The following PARD3 variants were observed in gnomAD, a reference collection of about 807,000 sequenced individuals.
PARD3 encodes partitioning defective 3 homolog.
PARD3 carries 75 observed loss-of-function variants against 155.4 expected under a neutral mutation model. The observed-to-expected ratio is 0.48, with a 90% CI of 0.40 to 0.58. The LOEUF is 0.58. Among genes scored for constraint, PARD3 ranks in the 20% least tolerant of loss-of-function variants. The probability of loss-of-function intolerance (pLI) is 0.00; values close to 1 mark genes in which losing one functional copy is unlikely to be tolerated. For synonymous variants in PARD3, 576 were observed against 610.5 expected, an observed-to-expected ratio of 0.94 and a Z score of 0.83; for missense variants, 1,642 against 1,721.7, an observed-to-expected ratio of 0.95 and a Z score of 0.82.
chr10:34,284,286 A>T, intron 20 of PARD3, 41 bp from the exon 21 acceptor site: 1 of 1,171,980 alleles, frequency 8.5e-7, no homozygotes, highest in Non-Finnish European at 1.3e-6. Flanking sequence ...ATATATACAA[A>T]ATGAGCTTTC....
intron 5 of PARD3, among the ~76,000 whole-genome samples, chr10:34,438,893 T>C (rs1469621772): frequency 2.0e-5 from 3 of 152,046 alleles, no homozygotes; most frequent in Non-Finnish European, 4.4e-5. Context: ...GGGAACCAAG[T>C]GTGTGAACTG....
intron 2 of PARD3, among the ~76,000 whole-genome samples, chr10:34,597,397 CT>C (rs1263328776): frequency 4.6e-5 from 7 of 151,364 alleles, no homozygotes; most frequent in African/African-American, 1.7e-4. Context: ...CAACATCTTA[CT>C]TTTTTAACTT....
chr10:34,450,715 C>T (rs2077011515), intron 4 of PARD3, among the ~76,000 whole-genome samples: 1 of 152,068 alleles, frequency 6.6e-6, no homozygotes, highest in African/African-American at 2.4e-5. Context: ...ACACTTTGCA[C>T]TCCTACCCAA....
chr10:34,776,136 C>T (rs74134414), intron 1 of PARD3, among the ~76,000 whole-genome samples: 39 of 152,246 alleles, frequency 2.6e-4, no homozygotes, highest in African/African-American at 8.7e-4. Context: ...AAAATTCATC[C>T]ATAACTCTGA....
chr10:34,332,958 AG>A, intron 18 of PARD3, among the ~76,000 whole-genome samples: 1 of 152,320 alleles, frequency 6.6e-6, no homozygotes, highest in Middle Eastern at 3.4e-3. Flanking sequence ...GGAATAAAAA[AG>A]AATGGGAAAA....
At chr10:34,239,881 A>G (rs1393949804) in intron 22 of PARD3, among the ~76,000 whole-genome samples, 1 of 152,168 alleles carries the variant, frequency 6.6e-6, no homozygotes, top group African/African-American at 2.4e-5. Flanking sequence ...GAAAATGAAA[A>G]AATATGAGTA....
chr10:34,544,109 T>TA (rs2083859057), intron 2 of PARD3, among the ~76,000 whole-genome samples: 1 of 152,184 alleles, frequency 6.6e-6, no homozygotes, highest in African/African-American at 2.4e-5. Flanking sequence ...CAGGGAGCTA[T>TA]AAAATAAATT....
chr10:34,111,419 C>A lies in PARD3; in HGVS notation c.3812G>T (p.Gly1271Val). The change falls in exon 25 of 25, where the codon GGC becomes GTC. Residue 1271 changes from glycine (G) to valine (V), a missense_variant. Physicochemically the swap from Gly to Val is moderately radical, Grantham distance 109. This residue lies in a region of PARD3 where 1,529 missense variants were observed against 1,587.3 expected (regional missense o/e 0.96). Coordinates refer to ENST00000374788, the MANE Select transcript of PARD3 (RefSeq NM_001184785.2). ...TTCCAGCATGACCCTGGCGTTGAAG[C>A]CATGTCCTCCCAGGTAGCCGTTCCT... is the stretch of plus-strand genomic sequence containing the variant. ...GSRNGYLGGH[G>V]FNARVMLETQ... 6.2e-7 allele frequency: 1 copy of A among 1,614,174 alleles called. No individual in the cohort carries two copies. The highest frequency in any genetic ancestry group is 1.1e-5 in the South Asian group (1 of 91,084).
At position 34,636,133 on chromosome 10, in the gene PARD3, C is replaced by T. The variant is rs542231452; in HGVS notation, c.222+60185G>A. ...AAGAAGGAAGAAGAAGAAGCCAAAA[C>T]TCTTCAACGGTTTTTCATCCCTTGC... On this transcript the variant is annotated intron_variant, in intron 2 of 24. Coordinates refer to ENST00000374788, the MANE Select transcript of PARD3 (RefSeq NM_001184785.2). 3.8e-4 allele frequency among the ~76,000 whole-genome samples: 58 copies of T among 152,238 alleles called. 1 individual carries two copies. The highest frequency in any genetic ancestry group is 1.3e-3 in the African/African-American group (54 of 41,554).
In PARD3 at chr10:34,470,115, A is replaced by C; in HGVS notation, c.552T>G (p.Thr184=). The change falls in exon 4 of 25, where the codon ACT becomes ACG. Residue 184 remains threonine, a synonymous_variant. Transcript: ENST00000374788. The stretch of plus-strand genomic sequence containing the variant: ...TGTCGCAGGTTTTAGGACTCCCAGC[A>C]GTGTTCTGCTTGAGGAAGCCAGCTG... The part of the protein sequence containing the change: ...STTAGFLKQN[T]AGSPKTCDRK... 6.2e-7 allele frequency: 1 copy of C among 1,612,392 alleles called. No individual in the cohort carries two copies. The highest frequency in any genetic ancestry group is 8.5e-7 in the Non-Finnish European group (1 of 1,179,302).
intron 1 of PARD3, among the ~76,000 whole-genome samples, chr10:34,762,353 A>C (rs1837564712): frequency 6.6e-6 from 1 of 151,758 alleles, no homozygotes; most frequent in African/African-American, 2.4e-5. Flanking sequence ...GAGTACAGTA[A>C]CACGATCACA....
chr10:34,794,022 T>C (rs1841974868), intron 1 of PARD3, among the ~76,000 whole-genome samples: 1 of 151,900 alleles, frequency 6.6e-6, no homozygotes, highest in Admixed American at 6.6e-5. Context: ...ACAGCAAAGG[T>C]AAGCAAACTC....
At chr10:34,487,052 G>C (rs1343323013) in intron 3 of PARD3, among the ~76,000 whole-genome samples, 1 of 151,642 alleles carries the variant, frequency 6.6e-6, no homozygotes, top group Non-Finnish European at 1.5e-5. Context: ...CAGAATTTTC[G>C]GTCTGCTTGG....
intron 1 of PARD3, among the ~76,000 whole-genome samples, chr10:34,758,848 C>G (rs568408671): frequency 6.6e-6 from 1 of 152,300 alleles, no homozygotes; most frequent in East Asian, 1.9e-4. Context: ...TTTAACAGCA[C>G]AGGAAATTCC....
At chr10:34,532,302 CA>C (rs1473503226) in intron 2 of PARD3, among the ~76,000 whole-genome samples, 1 of 151,952 alleles carries the variant, frequency 6.6e-6, no homozygotes, top group Non-Finnish European at 1.5e-5. Flanking sequence ...GCCAAATCTC[CA>C]AAAATTTTTC....
At chr10:34,652,897 G>C (rs893554507) in intron 2 of PARD3, among the ~76,000 whole-genome samples, 4 of 152,146 alleles carry the variant, frequency 2.6e-5, no homozygotes, top group Non-Finnish European at 4.4e-5. Context: ...ATAAAAATTT[G>C]CATTTCAAAT....
chr10:34,590,351 G>T (rs2088557970), intron 2 of PARD3, among the ~76,000 whole-genome samples: 2 of 152,162 alleles, frequency 1.3e-5, no homozygotes, highest in African/African-American at 4.8e-5. Context: ...AATATATGAG[G>T]AATTGTTGCC....
At chr10:34,470,407 C>A in intron 3 of PARD3, 144 bp from the exon 4 acceptor site, 2 of 562,108 alleles carry the variant, frequency 3.6e-6, no homozygotes, top group South Asian at 3.5e-5. Context: ...ATTCTAAACA[C>A]AAATTCCTTT....
intron 22 of PARD3, among the ~76,000 whole-genome samples, chr10:34,251,677 C>G (rs1954317706): frequency 6.6e-6 from 1 of 152,134 alleles, no homozygotes; most frequent in South Asian, 2.1e-4. Context: ...CAAAACTATA[C>G]AAGTTCTAAG....
Sources: gnomAD v4.1 joint callset for allele counts (sites outside exome capture counted in the v4.1 genomes callset) on GRCh38, gnomAD v4.1.1 for gene constraint, gnomAD v4.1.1 regional missense constraint, MANE v1.5 for transcripts, NCBI Gene and HGNC (gene_info 2026-07-23, HGNC 2026-07-21) for gene names.